The following LINGO2 variants were observed in gnomAD, a reference collection of about 807,000 sequenced individuals.
LINGO2 encodes the protein leucine rich repeat and Ig domain containing 2, also known as leucine-rich repeat and immunoglobulin-like domain-containing nogo receptor-interacting protein 2.
Under a neutral mutation model 30.6 loss-of-function variants are expected in LINGO2, and 14 were observed. That is an observed-to-expected ratio of 0.46 (90% CI 0.30 to 0.72). The LOEUF is 0.72. Among genes scored for constraint, LINGO2 ranks in the 30% least tolerant of loss-of-function variants. LINGO2 has a pLI of 0.07. For synonymous variants in LINGO2, 317 were observed against 288.5 expected, an observed-to-expected ratio of 1.10 and a Z score of -1.00; for missense variants, 729 against 751.7, an observed-to-expected ratio of 0.97 and a Z score of 0.35.
At chr9:28,299,312 T>G (rs1029032370) in intron 3 of LINGO2, among the ~76,000 whole-genome samples, 1 of 152,184 alleles carries the variant, frequency 6.6e-6, no homozygotes, top group South Asian at 2.1e-4. Context: ...ATCAAGAATG[T>G]AAAAACAGAG....
At chr9:28,566,872 G>T (rs1459566091) in intron 1 of LINGO2, among the ~76,000 whole-genome samples, 2 of 152,090 alleles carry the variant, frequency 1.3e-5, no homozygotes, top group Admixed American at 1.3e-4. Context: ...TTGATAGCTC[G>T]TTGTTGCCAA....
chr9:28,496,345 C>T (rs897963920), intron 1 of LINGO2, among the ~76,000 whole-genome samples: 25 of 151,964 alleles, frequency 1.6e-4, no homozygotes, highest in South Asian at 4.2e-4. Context: ...TGGGTGCTCC[C>T]GTATTGGGTG....
the LINGO2 span, among the ~76,000 whole-genome samples, chr9:28,931,133 A>C: frequency 4.6e-5 from 7 of 152,188 alleles, no homozygotes; most frequent in Non-Finnish European, 1.0e-4. Flanking sequence ...CAATGTCCCT[A>C]GCCATATACT....
chr9:29,135,370 C>T, the LINGO2 span, among the ~76,000 whole-genome samples: 4 of 151,792 alleles, frequency 2.6e-5, no homozygotes, highest in African/African-American at 9.7e-5. Flanking sequence ...CCATCCTGGC[C>T]AACATGGTGA....
chr9:28,034,335 G>C (rs1419927077), intron 4 of LINGO2, among the ~76,000 whole-genome samples: 1 of 152,196 alleles, frequency 6.6e-6, no homozygotes, highest in East Asian at 1.9e-4. Flanking sequence ...TTGTGATCTT[G>C]TTCCCTCTTA....
chr9:28,880,089 C>T, the LINGO2 span, among the ~76,000 whole-genome samples: 1 of 152,150 alleles, frequency 6.6e-6, no homozygotes, highest in Non-Finnish European at 1.5e-5. Flanking sequence ...TGAAATTGAA[C>T]TCTGCCCTTA....
At chr9:28,887,073 G>T in the LINGO2 span, among the ~76,000 whole-genome samples, 1 of 152,074 alleles carries the variant, frequency 6.6e-6, no homozygotes, top group Non-Finnish European at 1.5e-5. Flanking sequence ...TTTCCAACGA[G>T]TGAGGCAGGA....
At chr9:28,798,772 A>C in the LINGO2 span, among the ~76,000 whole-genome samples, 1 of 152,130 alleles carries the variant, frequency 6.6e-6, no homozygotes, top group Admixed American at 6.6e-5. Context: ...CTTGCTTCCC[A>C]AAATGAAGCA....
chr9:28,581,559 T>C (rs907855307), intron 1 of LINGO2, among the ~76,000 whole-genome samples: 2 of 151,412 alleles, frequency 1.3e-5, no homozygotes, highest in Admixed American at 1.3e-4. Context: ...TACAGATAAG[T>C]CTGAAAGGAA....
intron 4 of LINGO2, among the ~76,000 whole-genome samples, chr9:28,062,829 C>T (rs1376222044): frequency 2.0e-5 from 3 of 151,716 alleles, no homozygotes; most frequent in African/African-American, 7.3e-5. Context: ...GTGCAACTAT[C>T]ACCACATTTT....
Position 27,987,434 on chromosome 9 carries a change from C to A in LINGO2, c.-36+24921G>T, listed in dbSNP as rs576147763. ...AGAATATAGGTATGTGTCACTGTGCCTGGCTGACTTTAAAAGCTAGTTGCT... is the reference window on the plus strand; with the variant it reads ...AGAATATAGGTATGTGTCACTGTGCATGGCTGACTTTAAAAGCTAGTTGCT... On this transcript the variant is annotated intron_variant, in intron 5 of 5. Coordinates refer to ENST00000379992, the Ensembl canonical transcript of LINGO2. 3.0e-4 allele frequency among the ~76,000 whole-genome samples: 46 copies of A among 151,950 alleles called. No homozygotes were observed. In the South Asian group the frequency reaches 9.1e-3, roughly 30 times the overall value.
At chr9:28,691,042 C>T in the LINGO2 span, among the ~76,000 whole-genome samples, 14 of 152,268 alleles carry the variant, frequency 9.2e-5, no homozygotes, top group African/African-American at 3.1e-4. Flanking sequence ...AATTCCAGCT[C>T]AACATCTGCT....
chr9:28,054,431 C>T (rs1387121839), intron 4 of LINGO2, among the ~76,000 whole-genome samples: 1 of 152,010 alleles, frequency 6.6e-6, no homozygotes, highest in Non-Finnish European at 1.5e-5. Context: ...GTCTGGATCT[C>T]CACGTTACTG....
the LINGO2 span, among the ~76,000 whole-genome samples, chr9:28,678,760 T>G: frequency 3.3e-5 from 5 of 152,146 alleles, no homozygotes; most frequent in Admixed American, 6.6e-5. Context: ...ATCTTTTGAT[T>G]ATATTTTGCT....
chr9:28,038,698 A>G lies in LINGO2; in HGVS notation c.-86-26293T>C, dbSNP rs777517322. ...ACAGAGCGAGACTCCGTCTCAAAAAAAAAAAAAAAAGCCTTGCTTATAAAA... is the reference window on the plus strand; with the variant it reads ...ACAGAGCGAGACTCCGTCTCAAAAAGAAAAAAAAAAGCCTTGCTTATAAAA... On this transcript the variant is annotated intron_variant, in intron 4 of 5. Coordinates refer to ENST00000379992, the Ensembl canonical transcript of LINGO2. Among the ~76,000 whole-genome samples, 215 of 152,196 alleles carry G rather than the reference A, an allele frequency of 1.4e-3. No homozygotes were observed. The Middle Eastern group carries it at 0.027, about 19-fold the overall frequency.
At chr9:29,031,996 T>C in the LINGO2 span, among the ~76,000 whole-genome samples, 3 of 152,176 alleles carry the variant, frequency 2.0e-5, no homozygotes, top group African/African-American at 7.2e-5. Context: ...CCTCAAGGGC[T>C]TTCCTAGACA....
chr9:28,172,638 C>T (rs1828635891), intron 4 of LINGO2, among the ~76,000 whole-genome samples: 1 of 152,190 alleles, frequency 6.6e-6, no homozygotes, highest in Non-Finnish European at 1.5e-5. Flanking sequence ...GGAGGGAAAC[C>T]TTCAGGGAAA....
chr9:28,919,689 A>T, the LINGO2 span, among the ~76,000 whole-genome samples: 1 of 152,168 alleles, frequency 6.6e-6, no homozygotes, highest in Non-Finnish European at 1.5e-5. Context: ...GCATACAAGG[A>T]CAAAGAAGGT....
chr9:28,333,990 T>G (rs1342866072), intron 3 of LINGO2, among the ~76,000 whole-genome samples: 1 of 152,176 alleles, frequency 6.6e-6, no homozygotes, highest in Admixed American at 6.5e-5. Flanking sequence ...AGCAAAATTA[T>G]CAAGAATTTA....
Sources: gnomAD v4.1 joint callset for allele counts (sites outside exome capture counted in the v4.1 genomes callset) on GRCh38, gnomAD v4.1.1 for gene constraint, MANE v1.5 for transcripts, NCBI Gene and HGNC (gene_info 2026-07-23, HGNC 2026-07-21) for gene names.